EMB: variants seen among roughly 807,000 people sequenced by gnomAD.
The protein encoded by EMB is embigin, also known as embigin homolog.
A neutral mutation model predicts 41.4 loss-of-function variants in EMB; 31 were observed. That is an observed-to-expected ratio of 0.75 (90% CI 0.56 to 1.01). The LOEUF (loss-of-function observed/expected upper bound fraction) is 1.01, where lower values mean the gene tolerates loss of function less well. EMB is among the 50% of genes least tolerant of loss of function. The pLI is 0.00. For missense variants in EMB, 379 were observed against 388.3 expected, an observed-to-expected ratio of 0.98 and a Z score of 0.20; for synonymous variants, 137 against 140.4, an observed-to-expected ratio of 0.98 and a Z score of 0.17.
intron 2 of EMB, among the ~76,000 whole-genome samples, chr5:50,424,177 CTTCTT>C (rs1448392734): frequency 6.6e-6 from 1 of 152,068 alleles, no homozygotes; most frequent in African/African-American, 2.4e-5. Context: ...TCGGTAGAAA[CTTCTT>C]TACTTTTGTG....
At chr5:50,399,739 T>C (rs1453649093) in intron 8 of EMB, 120 bp downstream of exon 8, 1 of 752,258 alleles carries the variant, frequency 1.3e-6, no homozygotes, top group Non-Finnish European at 2.2e-6. Flanking sequence ...ACAAGCATAT[T>C]TGAGCACATC....
rs1360995230 is a variant in EMB, at chr5:50,441,110, C to CG, written c.41dup (p.Pro15AlafsTer40). 6.6e-7 allele frequency: 1 copy of CG among 1,516,538 alleles called. No homozygotes were observed. The highest frequency in any genetic ancestry group is 2.0e-5 in the Admixed American group (1 of 49,136). The allele number at this position is 1,516,538 out of a possible 1,614,324, so 93.9% of individuals were successfully genotyped here. The stretch of plus-strand genomic sequence containing the variant: ...GGCACTGGAGGAGGAGCAGCCGGGG[C>CG]GTACGCGCCCTGGCCTCCAGCAGGC... On this transcript the variant is annotated frameshift_variant, in exon 1 of 9. Transcript: ENST00000303221. LOFTEE classifies it high-confidence loss of function.
intron 1 of EMB, chr5:50,428,473 T>C (rs975407683): frequency 3.3e-5 from 37 of 1,130,068 alleles, no homozygotes; most frequent in Non-Finnish European, 3.9e-5. Context: ...GATGGCTTTT[T>C]TTAAATAACG....
intron 7 of EMB, among the ~76,000 whole-genome samples, chr5:50,400,926 G>A (rs536338260): frequency 6.6e-6 from 1 of 152,146 alleles, no homozygotes; most frequent in African/African-American, 2.4e-5. Flanking sequence ...GAGCTCAGAA[G>A]AATGGTTAGA....
chr5:50,423,755 T>C (rs561939764), intron 2 of EMB, among the ~76,000 whole-genome samples: 7 of 152,262 alleles, frequency 4.6e-5, no homozygotes, highest in Non-Finnish European at 1.0e-4. Context: ...GTAATGTAAA[T>C]TTGCAATTTA....
Position 50,402,313 on chromosome 5 carries a change from C to T in EMB, c.884G>A (p.Gly295Glu). ...CTGTTCAATCTGCTCAAATTCTTTC[C>T]CCTCATCTGTGTAACAAAAGAAGAA... The part of the protein sequence containing the change: ...TQKKKKHSDE[G>E]KEFEQIEQLK... Residue 295 changes from glycine (G) to glutamate (E), a missense_variant, in exon 7 of 9, where the codon GGG (glycine) becomes GAG (glutamate). Gly to Glu is a moderately conservative substitution (Grantham distance 98). Coordinates refer to ENST00000303221, the MANE Select transcript of EMB (RefSeq NM_198449.3). The T allele has an allele frequency of 6.2e-7, 1 of 1,609,924 alleles. No individual in the cohort carries two copies.
At chr5:50,438,419 A>C (rs1745841416) in intron 1 of EMB, among the ~76,000 whole-genome samples, 1 of 152,240 alleles carries the variant, frequency 6.6e-6, no homozygotes, top group Admixed American at 6.5e-5. Flanking sequence ...AAGGTGAATC[A>C]GGGATAGAAG....
chr5:50,400,302 G>T (rs1436984321), intron 7 of EMB, among the ~76,000 whole-genome samples: 2 of 151,914 alleles, frequency 1.3e-5, no homozygotes, highest in Admixed American at 1.3e-4. Flanking sequence ...TGAAATAGAG[G>T]TTAAAAATGG....
intron 2 of EMB, among the ~76,000 whole-genome samples, chr5:50,422,359 G>C (rs1023771858): frequency 2.6e-5 from 4 of 152,180 alleles, no homozygotes; most frequent in Non-Finnish European, 5.9e-5. Context: ...TTTCATATGT[G>C]TGTGAACATG....
In EMB at chr5:50,402,336, G is replaced by T. The variant is rs1351948516; in HGVS notation, c.878-17C>A. ...TCCCCTCATCTGTGTAACAAAAGAA[G>T]AATTTGACTGTGAAGTTGGTTTGTC... is the stretch of plus-strand genomic sequence containing the variant. On this transcript the variant is annotated splice_polypyrimidine_tract_variant and intron_variant, in intron 6 of 8. Coordinates refer to ENST00000303221, the MANE Select transcript of EMB (RefSeq NM_198449.3). The T allele has an allele frequency of 6.2e-7, 1 of 1,607,274 alleles. No homozygotes were observed. Among genetic ancestry groups the T allele is most frequent in the East Asian group, 2.2e-5 (1 of 44,762 alleles).
intron 1 of EMB, among the ~76,000 whole-genome samples, chr5:50,437,081 G>C (rs1745815903): frequency 6.6e-6 from 1 of 152,060 alleles, no homozygotes. Context: ...GGCCAGCCTA[G>C]GCAACCTAGT....
chr5:50,439,573 C>CA (rs1266332158), intron 1 of EMB, among the ~76,000 whole-genome samples: 4 of 151,594 alleles, frequency 2.6e-5, no homozygotes, highest in African/African-American at 9.7e-5. Flanking sequence ...GCCATCCTCC[C>CA]ACCTCAGCGC....
chr5:50,441,325 C>G (rs1237623432), upstream of EMB: 6 of 393,594 alleles, frequency 1.5e-5, no homozygotes, highest in Non-Finnish European at 2.2e-5. Flanking sequence ...TGCCCCACTC[C>G]CCCGAGACGC....
intron 2 of EMB, among the ~76,000 whole-genome samples, chr5:50,425,243 T>G (rs1745590500): frequency 2.0e-5 from 3 of 152,172 alleles, no homozygotes; most frequent in Admixed American, 2.0e-4. Flanking sequence ...TCCCGAATCT[T>G]ACATTGTGCC....
upstream of EMB, among the ~76,000 whole-genome samples, chr5:50,442,718 G>A (rs146182892): frequency 0.016 from 2,471 of 152,258 alleles, 71 homozygotes; most frequent in African/African-American, 0.057. Context: ...CCTAATCAAT[G>A]GCTGCTACAT....
intron 1 of EMB, 165 bp from the exon 2 acceptor site, chr5:50,428,392 G>A (rs540184028): frequency 8.4e-7 from 1 of 1,193,516 alleles, no homozygotes; most frequent in African/African-American, 1.6e-5. Context: ...AGATATATTA[G>A]GCTATTAAAT....
At chr5:50,421,902 G>GGGGGA (rs1745530732) in intron 2 of EMB, among the ~76,000 whole-genome samples, 1 of 124,386 alleles carries the variant, frequency 8.0e-6, no homozygotes, top group East Asian at 2.8e-4. Flanking sequence ...TTGTGGGGTG[G>GGGGGA]GGGGAGGGGG....
At chr5:50,408,117 TC>T (rs1183619269) in intron 4 of EMB, among the ~76,000 whole-genome samples, 7 of 152,004 alleles carry the variant, frequency 4.6e-5, no homozygotes, top group Non-Finnish European at 7.4e-5. Flanking sequence ...TTTAGATACT[TC>T]CAGGGGAAGA....
At chr5:50,404,638 C>T (rs1171721013) in intron 5 of EMB, among the ~76,000 whole-genome samples, 1 of 151,860 alleles carries the variant, frequency 6.6e-6, no homozygotes, top group Non-Finnish European at 1.5e-5. Flanking sequence ...ACCACATACA[C>T]ATCAATAAAT....
Sources: gnomAD v4.1 joint callset for allele counts (sites outside exome capture counted in the v4.1 genomes callset) on GRCh38, gnomAD v4.1.1 for gene constraint, MANE v1.5 for transcripts, NCBI Gene and HGNC (gene_info 2026-07-23, HGNC 2026-07-21) for gene names.